SAMD4A: variants seen among roughly 807,000 people sequenced by gnomAD.
SAMD4A encodes the protein protein Smaug homolog 1.
A neutral mutation model predicts 81.3 loss-of-function variants in SAMD4A; 33 were observed. The ratio of observed to expected loss-of-function variants is 0.41; its 90% CI spans 0.31 to 0.54. The LOEUF is 0.54. SAMD4A is among the 20% of genes least tolerant of loss of function. The pLI, the probability that SAMD4A is intolerant of heterozygous loss-of-function variation, is 0.37. For synonymous variants in SAMD4A, 389 were observed against 382.1 expected, an observed-to-expected ratio of 1.02 and a Z score of -0.21; for missense variants, 854 against 951.1, an observed-to-expected ratio of 0.90 and a Z score of 1.34.
At chr14:54,780,008 C>T (rs543093384) in intron 11 of SAMD4A, among the ~76,000 whole-genome samples, 1 of 152,260 alleles carries the variant, frequency 6.6e-6, no homozygotes, top group African/African-American at 2.4e-5. Flanking sequence ...TTTCTACTGA[C>T]CCAGGCTTAG....
chr14:54,724,016 G>GGAAGGAAGAAGGAAGGAAGGAAGGAA (rs778898142), intron 3 of SAMD4A, among the ~76,000 whole-genome samples: 1 of 145,648 alleles, frequency 6.9e-6, no homozygotes, highest in Non-Finnish European at 1.5e-5. Flanking sequence ...ATGGAAGGAA[G>GGAAGGAAGAAGGAAGGAAGGAAGGAA]GAAGGAAGGA....
At chr14:54,743,160 G>T (rs1016156364) in intron 4 of SAMD4A, among the ~76,000 whole-genome samples, 1 of 152,196 alleles carries the variant, frequency 6.6e-6, no homozygotes, top group Non-Finnish European at 1.5e-5. Flanking sequence ...GATGGAGTGG[G>T]AGTGGCAAAG....
At chr14:54,627,026 T>A (rs2034780132) in intron 2 of SAMD4A, among the ~76,000 whole-genome samples, 1 of 152,232 alleles carries the variant, frequency 6.6e-6, no homozygotes, top group African/African-American at 2.4e-5. Flanking sequence ...CTCTGACCTG[T>A]TCATCCATAT....
At chr14:54,579,161 T>C (rs535940757) in intron 2 of SAMD4A, among the ~76,000 whole-genome samples, 1 of 152,304 alleles carries the variant, frequency 6.6e-6, no homozygotes, top group Non-Finnish European at 1.5e-5. Context: ...AAACACTATC[T>C]CCTGTTATTG....
In SAMD4A at chr14:54,770,234, T is replaced by G; in HGVS notation, c.1715+12T>G. 6.4e-7 allele frequency: 1 copy of G among 1,573,522 alleles called. No individual in the cohort carries two copies. Among genetic ancestry groups the G allele is most frequent in the Non-Finnish European group, 8.7e-7 (1 of 1,144,498 alleles). On this transcript the variant is annotated intron_variant, in intron 9 of 12. Coordinates refer to ENST00000554335, the MANE Select transcript of SAMD4A (RefSeq NM_015589.6). ...CGACAGCAAAGAAAGTATGTTGGGA[T>G]TTCATTCTTTGTAATGCGTAGTGGT...
intron 2 of SAMD4A, among the ~76,000 whole-genome samples, chr14:54,576,001 C>CTTTTTTTTTTTTTTTTTTTTTTTT (rs57819180): frequency 1.3e-5 from 1 of 79,998 alleles, no homozygotes; most frequent in African/African-American, 5.3e-5. Context: ...TTCTTTCTTT[C>CTTTTTTTTTTTTTTTTTTTTTTTT]TTTTTTTTTT....
chr14:54,605,068 G>A (rs577050012), intron 2 of SAMD4A, among the ~76,000 whole-genome samples: 197 of 152,280 alleles, frequency 1.3e-3, no homozygotes, highest in Non-Finnish European at 2.4e-3. Flanking sequence ...AAATCTTACT[G>A]CTTGGAAACT....
chr14:54,669,450 T>TC (rs1025182739), intron 2 of SAMD4A, among the ~76,000 whole-genome samples: 1 of 145,532 alleles, frequency 6.9e-6, no homozygotes, highest in African/African-American at 2.5e-5. Flanking sequence ...TCTTTCTTTT[T>TC]TTTTTTTTTT....
chr14:54,605,809 G>GTA (rs1297656767), intron 2 of SAMD4A, among the ~76,000 whole-genome samples: 1 of 150,422 alleles, frequency 6.6e-6, no homozygotes, highest in Non-Finnish European at 1.5e-5. Context: ...ATATATATAT[G>GTA]TATATATATA....
intron 2 of SAMD4A, among the ~76,000 whole-genome samples, chr14:54,581,399 G>A (rs2033460974): frequency 6.6e-6 from 1 of 152,240 alleles, no homozygotes; most frequent in African/African-American, 2.4e-5. Context: ...GTGAACACCA[G>A]GCCCCTCTGG....
At chr14:54,628,794 G>A (rs747291559) in intron 2 of SAMD4A, among the ~76,000 whole-genome samples, 4 of 152,142 alleles carry the variant, frequency 2.6e-5, no homozygotes, top group Non-Finnish European at 4.4e-5. Context: ...GGCTGAGCTG[G>A]GATTTGAACC....
chr14:54,597,076 G>C (rs940929319), intron 2 of SAMD4A, among the ~76,000 whole-genome samples: 1 of 151,378 alleles, frequency 6.6e-6, no homozygotes, highest in Non-Finnish European at 1.5e-5. Flanking sequence ...TATTAGCTTT[G>C]GGGAGTGACA....
intron 2 of SAMD4A, chr14:54,694,088 TC>T (rs1412194395): frequency 3.9e-5 from 6 of 152,320 alleles, no homozygotes; most frequent in African/African-American, 1.4e-4. Flanking sequence ...CAGGAGAGGG[TC>T]AGTAGTAAGG....
rs181075350 is a variant in SAMD4A at position 54,686,119 on chromosome 14, T to C, written c.197-15943T>C. On this transcript the variant is annotated intron_variant, in intron 2 of 12. Coordinates refer to ENST00000554335, the MANE Select transcript of SAMD4A (RefSeq NM_015589.6). ...TCAGCACAAATCCCTCATGTCTGCC[T>C]AGAAAGAAGGGATGCCTTTAGAGGA... is the stretch of plus-strand genomic sequence containing the variant. Among the ~76,000 whole-genome samples the C allele has an allele frequency of 1.7e-4, 26 of 152,302 alleles. No individual in the cohort carries two copies. The Middle Eastern group carries it at 0.014, about 80-fold the overall frequency.
chr14:54,633,474 C>G (rs1355590030), intron 2 of SAMD4A, among the ~76,000 whole-genome samples: 1 of 152,056 alleles, frequency 6.6e-6, no homozygotes, highest in East Asian at 1.9e-4. Flanking sequence ...TAAGATCACT[C>G]TGGATGTGGG....
chr14:54,698,614 C>G (rs1039583329), intron 2 of SAMD4A, among the ~76,000 whole-genome samples: 1 of 152,242 alleles, frequency 6.6e-6, no homozygotes, highest in African/African-American at 2.4e-5. Context: ...ATACTGTTGG[C>G]TCTCAGCAGT....
intron 3 of SAMD4A, among the ~76,000 whole-genome samples, chr14:54,734,323 C>T (rs543563938): frequency 1.3e-5 from 2 of 152,198 alleles, no homozygotes; most frequent in Non-Finnish European, 2.9e-5. Flanking sequence ...TGGTGTGAGG[C>T]ACTGTGCTTG....
chr14:54,597,369 G>A (rs577899415), intron 2 of SAMD4A, among the ~76,000 whole-genome samples: 8 of 151,880 alleles, frequency 5.3e-5, no homozygotes, highest in Non-Finnish European at 8.8e-5. Context: ...CTGCCTCCCG[G>A]GTTCAAGTGA....
chr14:54,626,078 G>T (rs2034756627), intron 2 of SAMD4A, among the ~76,000 whole-genome samples: 1 of 144,886 alleles, frequency 6.9e-6, no homozygotes, highest in Non-Finnish European at 1.5e-5. Context: ...GCGCGCGCGA[G>T]TGCGCACATG....
Sources: allele counts gnomAD v4.1 joint callset (sites outside exome capture counted in the v4.1 genomes callset), GRCh38; gene constraint gnomAD v4.1.1; transcripts MANE v1.5; gene names NCBI Gene and HGNC (gene_info 2026-07-23, HGNC 2026-07-21).